The following SMARCA2 variants were observed in gnomAD, a reference collection of about 807,000 sequenced individuals.
SMARCA2 encodes the protein SWI/SNF-related matrix-associated actin-dependent regulator of chromatin subfamily A member 2.
SMARCA2 carries 61 observed loss-of-function variants against 199.8 expected under a neutral mutation model. The observed-to-expected ratio is 0.31, with a 90% confidence interval of 0.25 to 0.38. The LOEUF is 0.38. SMARCA2 is among the 10% of genes least tolerant of loss of function. SMARCA2 has a pLI of 1.00. For missense variants in SMARCA2, 1,344 were observed against 2,012.2 expected (o/e 0.67, Z 6.35); for synonymous variants, 935 against 732.0 (o/e 1.28, Z -4.48).
chr9:2,189,687 T>G (rs1827744905), intron 32 of SMARCA2, among the ~76,000 whole-genome samples: 1 of 152,014 alleles, frequency 6.6e-6, no homozygotes, highest in African/African-American at 2.4e-5. Flanking sequence ...ACCTTATAGC[T>G]TGTCAAGCAG....
chr9:2,081,876 G>A lies in SMARCA2; in HGVS notation c.2229G>A (p.Leu743=). The A allele has an allele frequency of 6.2e-7, 1 of 1,614,042 alleles. No individual in the cohort carries two copies. The highest frequency in any genetic ancestry group is 8.5e-7 in the Non-Finnish European group (1 of 1,179,986). ...EWMVSLYNNN[L]NGILADEMGL... is the part of the protein sequence containing the mutation. Reference sequence around the variant, plus strand: ...TGGTTTCCCTGTATAATAACAACTTGAACGGAATCTTAGCCGATGAAATGG... The same window carrying A: ...TGGTTTCCCTGTATAATAACAACTTAAACGGAATCTTAGCCGATGAAATGG... Residue 743 remains leucine, a synonymous_variant, in exon 15 of 34, where the codon TTG becomes TTA. Coordinates refer to ENST00000349721, the MANE Select transcript of SMARCA2 (RefSeq NM_003070.5).
intron 19 of SMARCA2, among the ~76,000 whole-genome samples, chr9:2,092,825 T>C (rs1174949077): frequency 1.3e-5 from 2 of 152,152 alleles, no homozygotes; most frequent in African/African-American, 4.8e-5. Flanking sequence ...AAGTCACAAG[T>C]TTCATTTGCT....
At chr9:2,159,022 T>A (rs781450510) in intron 27 of SMARCA2, 75 of 1,607,132 alleles carry the variant, frequency 4.7e-5, no homozygotes, top group Non-Finnish European at 5.3e-5. Context: ...AACCTAAATT[T>A]AATAAGAATC....
At chr9:2,022,712 G>T (rs1438816562) in intron 1 of SMARCA2, among the ~76,000 whole-genome samples, 2 of 152,220 alleles carry the variant, frequency 1.3e-5, no homozygotes, top group Non-Finnish European at 2.9e-5. Context: ...AGAAAAGGAA[G>T]TGGCTGTTGT....
intron 19 of SMARCA2, among the ~76,000 whole-genome samples, chr9:2,093,263 G>T (rs1822138617): frequency 6.6e-6 from 1 of 152,256 alleles, no homozygotes; most frequent in African/African-American, 2.4e-5. Context: ...GGGTGTATGT[G>T]TTGGGAAATG....
At chr9:2,084,280 G>T in intron 17 of SMARCA2, 84 bp downstream of exon 17, 1 of 687,626 alleles carries the variant, frequency 1.5e-6, no homozygotes, top group Non-Finnish European at 2.5e-6. Context: ...TAGTGTAATT[G>T]GATCCTTAGA....
In SMARCA2 at chr9:2,058,279, T is replaced by C. The variant is rs1349151734; in HGVS notation, c.1348-12T>C. ...TTTAAGTATCCTTTTCTTCCCTTTT[T>C]GGATCTTCTAGGAATACCTGAACAG... is the stretch of plus-strand genomic sequence containing the variant. On this transcript the variant is annotated splice_polypyrimidine_tract_variant and intron_variant, in intron 7 of 33. Coordinates refer to ENST00000349721, the MANE Select transcript of SMARCA2 (RefSeq NM_003070.5). The C allele has an allele frequency of 6.2e-7, 1 of 1,612,434 alleles. No individual in the cohort carries two copies. Among genetic ancestry groups the C allele is most frequent in the African/African-American group, 1.3e-5 (1 of 75,004 alleles).
At chr9:2,028,072 T>C (rs776915773) in intron 1 of SMARCA2, among the ~76,000 whole-genome samples, 8 of 152,192 alleles carry the variant, frequency 5.3e-5, no homozygotes, top group Non-Finnish European at 1.2e-4. Context: ...CTGCTGAAAT[T>C]GTAGAACCAG....
chr9:2,157,186 A>G (rs897261481), intron 27 of SMARCA2, among the ~76,000 whole-genome samples: 2 of 152,228 alleles, frequency 1.3e-5, no homozygotes, highest in East Asian at 3.8e-4. Flanking sequence ...CTCATATATG[A>G]AAATGTAAAT....
intron 8 of SMARCA2, 41 bp downstream of exon 8, chr9:2,058,505 C>G: frequency 1.3e-6 from 2 of 1,547,732 alleles, no homozygotes. Flanking sequence ...CTACTCAACC[C>G]ACGTCCGTCT....
intron 19 of SMARCA2, among the ~76,000 whole-genome samples, chr9:2,095,206 T>C (rs950458870): frequency 6.6e-6 from 1 of 151,852 alleles, no homozygotes; most frequent in Non-Finnish European, 1.5e-5. Context: ...CTGCCTCAGC[T>C]TCCTGAGTAG....
intron 27 of SMARCA2, among the ~76,000 whole-genome samples, chr9:2,149,343 C>G (rs1372775854): frequency 2.7e-5 from 4 of 150,682 alleles, no homozygotes; most frequent in Admixed American, 6.6e-5. Flanking sequence ...CATGGTGAAA[C>G]CCCATCTCTA....
At chr9:2,122,394 C>G (rs75734567) in intron 26 of SMARCA2, among the ~76,000 whole-genome samples, 398 of 152,192 alleles carry the variant, frequency 2.6e-3, no homozygotes, top group Non-Finnish European at 4.3e-3. Context: ...CTCTTTAGAA[C>G]TGCTGTAAAG....
At chr9:2,090,192 G>A (rs112976164) in intron 19 of SMARCA2, among the ~76,000 whole-genome samples, 111 of 152,238 alleles carry the variant, frequency 7.3e-4, no homozygotes, top group African/African-American at 2.5e-3. Flanking sequence ...AGAAGTTCCT[G>A]AGTATACTTG....
At chr9:2,053,579 CAATT>C (rs1820222131) in intron 5 of SMARCA2, among the ~76,000 whole-genome samples, 1 of 152,104 alleles carries the variant, frequency 6.6e-6, no homozygotes, top group African/African-American at 2.4e-5. Context: ...AAGAGAGAGA[CAATT>C]AAATAACATT....
rs528208298 is a variant in SMARCA2, at chr9:2,084,653, C to CATATGG, written c.2526+462_2526+463insGATATG. Among the ~76,000 whole-genome samples the CATATGG allele has an allele frequency of 1.6e-4, 25 of 152,238 alleles. No homozygotes were observed. The South Asian group carries it at 4.8e-3, about 29-fold the overall frequency. On this transcript the variant is annotated intron_variant, in intron 17 of 33. Coordinates refer to ENST00000349721, the MANE Select transcript of SMARCA2 (RefSeq NM_003070.5). ...AGACACCTCTCCATATGGTCTCCAC[C>CATATGG]ATATGAACATTTATCCAAGCCGTGG...
At chr9:2,150,341 C>T (rs558606903) in intron 27 of SMARCA2, among the ~76,000 whole-genome samples, 7 of 151,660 alleles carry the variant, frequency 4.6e-5, no homozygotes, top group African/African-American at 1.7e-4. Context: ...GCCAATCACT[C>T]TGGCTGTGCT....
chr9:2,192,619 A>C (rs932531349), intron 33 of SMARCA2, 85 bp from the exon 34 acceptor site: 3 of 912,650 alleles, frequency 3.3e-6, no homozygotes, highest in African/African-American at 3.3e-5. Context: ...ATTTTTTCCT[A>C]CTGGCCTCTT....
In SMARCA2 at chr9:2,144,628, T is replaced by C. The variant is rs574182196; in HGVS notation, c.3982-17058T>C. On this transcript the variant is annotated intron_variant, in intron 27 of 33. Coordinates refer to ENST00000349721, the MANE Select transcript of SMARCA2 (RefSeq NM_003070.5). ...CAGAAAGCACTCACCATATGGAGGATTGGAGTCTATGATCTAGGCTGCTCA... is the reference window on the plus strand; with the variant it reads ...CAGAAAGCACTCACCATATGGAGGACTGGAGTCTATGATCTAGGCTGCTCA... Among the ~76,000 whole-genome samples the C allele has an allele frequency of 5.9e-5, 9 of 152,228 alleles. No homozygotes were observed. The East Asian group carries it at 1.4e-3, about 23-fold the overall frequency.
Sources: allele counts gnomAD v4.1 joint callset (sites outside exome capture counted in the v4.1 genomes callset), GRCh38; gene constraint gnomAD v4.1.1; transcripts MANE v1.5; gene names NCBI Gene and HGNC (gene_info 2026-07-23, HGNC 2026-07-21).